PRKD1: variants seen among roughly 807,000 people sequenced by gnomAD.
The protein encoded by PRKD1 is serine/threonine-protein kinase D1.
PRKD1 carries 63 observed loss-of-function variants against 95.9 expected under a neutral mutation model. The observed-to-expected ratio is 0.66, with a 90% CI of 0.54 to 0.81. PRKD1 has a LOEUF of 0.81. Ranked by LOEUF, PRKD1 falls within the 30% of genes least tolerant of loss-of-function variation. The pLI is 0.00. For missense variants in PRKD1, 1,048 were observed against 1,165.3 expected, an observed-to-expected ratio of 0.90 and a Z score of 1.47; for synonymous variants, 425 against 423.1, an observed-to-expected ratio of 1.00 and a Z score of -0.05.
intron 4 of PRKD1, among the ~76,000 whole-genome samples, chr14:29,661,206 G>A (rs1014024373): frequency 1.3e-5 from 2 of 152,158 alleles, no homozygotes; most frequent in African/African-American, 4.8e-5. Context: ...ATCATTTATG[G>A]AAAATATAAC....
At chr14:29,752,986 T>C (rs1014828975) in intron 1 of PRKD1, among the ~76,000 whole-genome samples, 1 of 151,980 alleles carries the variant, frequency 6.6e-6, no homozygotes, top group Non-Finnish European at 1.5e-5. Context: ...TTCTGCAGGC[T>C]GAAGAAAATC....
At chr14:29,642,591 T>C (rs1880856754) in intron 4 of PRKD1, among the ~76,000 whole-genome samples, 1 of 152,196 alleles carries the variant, frequency 6.6e-6, no homozygotes, top group African/African-American at 2.4e-5. Flanking sequence ...AGAGATTTCA[T>C]TATATATCAA....
intron 16 of PRKD1, among the ~76,000 whole-genome samples, chr14:29,589,575 A>G (rs1893054024): frequency 6.6e-6 from 1 of 152,158 alleles, no homozygotes; most frequent in African/African-American, 2.4e-5. Context: ...GCAATTATAG[A>G]AAAAGAACTG....
intron 1 of PRKD1, among the ~76,000 whole-genome samples, chr14:29,883,521 T>A (rs1893589260): frequency 6.8e-6 from 1 of 148,078 alleles, no homozygotes; most frequent in Non-Finnish European, 1.5e-5. Flanking sequence ...CAGACATATG[T>A]TTAACACAAT....
rs1895344218 is a variant in PRKD1 at position 29,927,380 on chromosome 14, G to A, written c.133C>T (p.Pro45Ser). 1 of 1,556,122 alleles carries A rather than the reference G, an allele frequency of 6.4e-7. No homozygotes were observed. The highest frequency in any genetic ancestry group is 8.7e-7 in the Non-Finnish European group (1 of 1,154,152). Residue 45 changes from proline (P) to serine (S), a missense_variant, in exon 1 of 18, where the codon CCG becomes TCG. By Grantham distance (74) the Pro-to-Ser change is moderately conservative (BLOSUM62 -1). Around this residue, in one of 3 missense-constraint regions of PRKD1, gnomAD observed 275 missense variants for 248.6 expected, o/e 1.11. Transcript: ENST00000331968. ...PAPFLAPVAA[P>S]VGGISFHLQI... Reference sequence around the variant, plus strand: ...AGATGGAACGAGATGCCCCCGACCGGGGCCGCGACAGGAGCCAAGAACGGC... The same window carrying A: ...AGATGGAACGAGATGCCCCCGACCGAGGCCGCGACAGGAGCCAAGAACGGC...
intron 1 of PRKD1, among the ~76,000 whole-genome samples, chr14:29,902,240 C>T (rs889881724): frequency 1.2e-4 from 17 of 145,448 alleles, no homozygotes; most frequent in African/African-American, 4.3e-4. Flanking sequence ...GCCTGGGCAA[C>T]AAGAGCAAAA....
intron 1 of PRKD1, among the ~76,000 whole-genome samples, chr14:29,726,066 T>C (rs751623024): frequency 5.3e-5 from 8 of 151,200 alleles, no homozygotes; most frequent in Non-Finnish European, 1.2e-4. Flanking sequence ...TCCAATTCCA[T>C]TACACATAAT....
chr14:29,867,520 G>T (rs1892953216), intron 1 of PRKD1, among the ~76,000 whole-genome samples: 1 of 152,226 alleles, frequency 6.6e-6, no homozygotes, highest in Non-Finnish European at 1.5e-5. Context: ...GAAATACAAT[G>T]AAATGAGGTT....
chr14:29,626,082 G>A (rs1350133883), intron 12 of PRKD1, among the ~76,000 whole-genome samples: 2 of 151,942 alleles, frequency 1.3e-5, no homozygotes, highest in African/African-American at 4.8e-5. Context: ...TAAAGACACT[G>A]GAAAGTTAAA....
At chr14:29,714,711 A>T (rs1885511428) in intron 2 of PRKD1, among the ~76,000 whole-genome samples, 1 of 152,250 alleles carries the variant, frequency 6.6e-6, no homozygotes, top group South Asian at 2.1e-4. Context: ...ACCAACCCAA[A>T]TGCCCATCAA....
rs1019210994 is a variant in PRKD1 at position 29,869,099 on chromosome 14, G to A, written c.264+58150C>T. The stretch of plus-strand genomic sequence containing the variant: ...TTTGGTGTGTGCAAACAAACATCAA[G>A]CATACAAAGATGAAGGCTGAAAACA... On this transcript the variant is annotated intron_variant, in intron 1 of 17. Coordinates refer to ENST00000331968, the MANE Select transcript of PRKD1 (RefSeq NM_002742.3). 2.8e-4 allele frequency among the ~76,000 whole-genome samples: 42 copies of A among 152,102 alleles called. 1 individual carries two copies. Among genetic ancestry groups the A allele is most frequent in the Admixed American group, 2.5e-3 (38 of 15,252 alleles).
At chr14:29,902,572 T>C (rs940367569) in intron 1 of PRKD1, among the ~76,000 whole-genome samples, 1 of 152,228 alleles carries the variant, frequency 6.6e-6, no homozygotes, top group Non-Finnish European at 1.5e-5. Flanking sequence ...CTTTCCTACA[T>C]GGCTGCTCCA....
At chr14:29,621,724 TTGTC>T (rs1253349577) in intron 13 of PRKD1, among the ~76,000 whole-genome samples, 1 of 152,286 alleles carries the variant, frequency 6.6e-6, no homozygotes. Context: ...CTGTGTGCCT[TTGTC>T]TGTGCTGTAT....
chr14:29,588,235 G>C (rs2064579163), intron 16 of PRKD1, among the ~76,000 whole-genome samples: 1 of 152,172 alleles, frequency 6.6e-6, no homozygotes, highest in African/African-American at 2.4e-5. Context: ...TGTTGTGAAA[G>C]AGGGACCTAC....
At chr14:29,843,638 G>T (rs911576514) in intron 1 of PRKD1, among the ~76,000 whole-genome samples, 1 of 152,158 alleles carries the variant, frequency 6.6e-6, no homozygotes, top group Non-Finnish European at 1.5e-5. Flanking sequence ...CATTTATTGA[G>T]CATCTATACT....
rs1893131487 is a variant in PRKD1 at position 29,591,566 on chromosome 14, C to T, written c.2434+5925G>A. On this transcript the variant is annotated intron_variant, in intron 16 of 17. Transcript: ENST00000331968. ...GGGAACTTCCATTTTTAACTAGCTC[C>T]TCTAATTAACTGCTGGCATGCTAAA... 2.6e-5 allele frequency among the ~76,000 whole-genome samples: 4 copies of T among 152,020 alleles called. No homozygotes were observed. In the South Asian group the frequency reaches 8.3e-4, roughly 32 times the overall value.
At chr14:29,616,901 G>T (rs1250770120) in intron 13 of PRKD1, among the ~76,000 whole-genome samples, 2 of 152,146 alleles carry the variant, frequency 1.3e-5, no homozygotes, top group African/African-American at 4.8e-5. Context: ...TCATTATCCA[G>T]ATAATAAGCA....
chr14:29,809,925 A>G (rs550954957), intron 1 of PRKD1, among the ~76,000 whole-genome samples: 1 of 152,324 alleles, frequency 6.6e-6, no homozygotes, highest in African/African-American at 2.4e-5. Context: ...TTGATTTACA[A>G]TGAAAGACAT....
intron 1 of PRKD1, among the ~76,000 whole-genome samples, chr14:29,831,581 G>C (rs1186392481): frequency 2.0e-5 from 3 of 151,234 alleles, no homozygotes; most frequent in African/African-American, 7.3e-5. Context: ...CGATTCTCCT[G>C]TCTCAGCCTC....
Sources: gnomAD v4.1 joint callset for allele counts (sites outside exome capture counted in the v4.1 genomes callset) on GRCh38, gnomAD v4.1.1 for gene constraint, gnomAD v4.1.1 regional missense constraint, MANE v1.5 for transcripts, NCBI Gene and HGNC (gene_info 2026-07-23, HGNC 2026-07-21) for gene names.